The following RAD21 variants were observed in gnomAD, a reference collection of about 807,000 sequenced individuals.
RAD21 encodes the protein double-strand-break repair protein rad21 homolog.
In RAD21, 18 loss-of-function variants were observed where a neutral mutation model predicts 71.5. That is an observed-to-expected ratio of 0.25 (90% CI 0.17 to 0.37). The LOEUF (loss-of-function observed/expected upper bound fraction) is 0.37. Among genes scored for constraint, RAD21 ranks in the 10% least tolerant of loss-of-function variants. The pLI is 1.00. For synonymous variants in RAD21, 248 were observed against 254.0 expected (o/e 0.98, Z 0.22); for missense variants, 493 against 769.1 (o/e 0.64, Z 4.25).
intron 4 of RAD21, among the ~76,000 whole-genome samples, 180 bp downstream of exon 4, chr8:116,861,661 C>G (rs1812596445): frequency 6.6e-6 from 1 of 151,902 alleles, no homozygotes; most frequent in African/African-American, 2.4e-5. Flanking sequence ...ACATGATTTT[C>G]TTACAGAAGA....
At chr8:116,848,708 C>T (rs557105190) in intron 13 of RAD21, among the ~76,000 whole-genome samples, 5 of 151,062 alleles carry the variant, frequency 3.3e-5, no homozygotes, top group Admixed American at 6.6e-5. Flanking sequence ...CATGCTTTTC[C>T]GGCTTACTCT....
In RAD21 at chr8:116,847,633, G is replaced by A. The variant is rs2130450030; in HGVS notation, c.1763C>T (p.Thr588Met). ...SISLLELCRNTNRKQAAAKFY... is the reference protein window; with the variant it reads ...SISLLELCRNMNRKQAAAKFY... ...CTTTGCGGCAGCTTGTTTTCTGTTCGTATTTCGACATAACTCAAGCAAACT... is the reference window on the plus strand; with the variant it reads ...CTTTGCGGCAGCTTGTTTTCTGTTCATATTTCGACATAACTCAAGCAAACT... The change falls in exon 14 of 14, where the codon ACG becomes ATG. Residue 588 changes from threonine (T) to methionine (M), a missense_variant. By Grantham distance (81) the Thr-to-Met change is moderately conservative. Coordinates refer to ENST00000297338, the MANE Select transcript of RAD21 (RefSeq NM_006265.3). The A allele has an allele frequency of 1.2e-6, 2 of 1,614,004 alleles. No individual in the cohort carries two copies. The highest frequency in any genetic ancestry group is 1.7e-6 in the Non-Finnish European group (2 of 1,179,950).
chr8:116,856,103 G>A, intron 8 of RAD21, 63 bp downstream of exon 8: 2 of 1,541,860 alleles, frequency 1.3e-6, no homozygotes, highest in South Asian at 2.4e-5. Flanking sequence ...CAGTAGACAG[G>A]CAAAAACCAG....
chr8:116,855,286 T>C (rs1812438839), intron 8 of RAD21, among the ~76,000 whole-genome samples: 2 of 152,212 alleles, frequency 1.3e-5, no homozygotes, highest in Non-Finnish European at 2.9e-5. Flanking sequence ...AAAAACTATG[T>C]CTAAATTACA....
intron 4 of RAD21, among the ~76,000 whole-genome samples, chr8:116,859,236 G>C (rs1812534322): frequency 6.6e-6 from 1 of 152,062 alleles, no homozygotes; most frequent in Non-Finnish European, 1.5e-5. Context: ...CAAACCAAAG[G>C]TTTGTGGTAA....
rs746328491 is a variant in RAD21 at position 116,866,775 on chromosome 8, A to G, written c.-32-14T>C. 3 of 1,510,924 alleles carry G rather than the reference A, an allele frequency of 2.0e-6. No homozygotes were observed. Among genetic ancestry groups the G allele is most frequent in the Non-Finnish European group, 2.7e-6 (3 of 1,130,428 alleles). 93.6% of individuals were successfully genotyped at this position (1,510,924 alleles called of 1,614,324 possible). ...ACAGAAGAAAACCTAAGAGGGGAAA[A>G]AAAAGTTAATGTAAACATCATCTGA... is the stretch of plus-strand genomic sequence containing the variant. On this transcript the variant is annotated splice_polypyrimidine_tract_variant and intron_variant, in intron 1 of 13. Transcript: ENST00000297338.
Position 116,852,363 on chromosome 8 carries a change from C to T in RAD21, c.1321+186G>A, listed in dbSNP as rs1364477841. 4 of 722,022 alleles carry T rather than the reference C, an allele frequency of 5.5e-6. No individual in the cohort carries two copies. In the Admixed American group the frequency reaches 9.7e-5, roughly 18 times the overall value. The allele number at this position is 722,022 out of a possible 1,614,324, so 44.7% of individuals were successfully genotyped here. A position where few individuals can be genotyped will look rare whatever the true frequency, so the allele number is the denominator to read the frequency against. On this transcript the variant is annotated intron_variant, in intron 10 of 13. Transcript: ENST00000297338. ...ACTATCTACCCTGCCAGTTCTGAAC[C>T]TTAAAACTCTGGAAAGACAGGAGGC...
In RAD21 at chr8:116,863,121, T is replaced by C. The variant is rs745742779; in HGVS notation, c.274+9A>G. ...AACAACAACAAAAACCAAACAAGTT[T>C]AACAATACCTGGCCGAAAAGCCATC... is the stretch of plus-strand genomic sequence containing the variant. On this transcript the variant is annotated intron_variant, in intron 3 of 13. Coordinates refer to ENST00000297338, the MANE Select transcript of RAD21 (RefSeq NM_006265.3). 4 of 1,596,192 alleles carry C rather than the reference T, an allele frequency of 2.5e-6. No homozygotes were observed. The highest frequency in any genetic ancestry group is 2.2e-5 in the South Asian group (2 of 89,000).
intron 1 of RAD21, among the ~76,000 whole-genome samples, chr8:116,869,616 A>G (rs1033707544): frequency 6.6e-6 from 1 of 152,158 alleles, no homozygotes; most frequent in Non-Finnish European, 1.5e-5. Context: ...CAAAGAAGAG[A>G]AATTTCACAG....
intron 7 of RAD21, 85 bp downstream of exon 7, chr8:116,856,561 A>C: frequency 7.2e-7 from 1 of 1,381,154 alleles, no homozygotes. Context: ...AAAAACTACA[A>C]CTTTTAGTTT....
At chr8:116,861,329 C>G (rs1383836141) in intron 4 of RAD21, among the ~76,000 whole-genome samples, 1 of 151,636 alleles carries the variant, frequency 6.6e-6, no homozygotes, top group African/African-American at 2.4e-5. Flanking sequence ...CTACAGTACT[C>G]TGCTATAACA....
At chr8:116,848,013 C>G (rs1408604253) in intron 13 of RAD21, among the ~76,000 whole-genome samples, 2 of 152,168 alleles carry the variant, frequency 1.3e-5, no homozygotes, top group Non-Finnish European at 2.9e-5. Flanking sequence ...CCTTTGCCTT[C>G]CACCATGACT....
rs1437032957 is a variant in RAD21, at chr8:116,856,262, C to A, written c.841G>T (p.Val281Leu). ...GTTGGCATTGGTTCAACGGGATCCA[C>A]TGAATCAGGACTATCAGGCCCACCC... ...SMGGPDSPDSVDPVEPMPTMT... is the reference protein window; with the variant it reads ...SMGGPDSPDSLDPVEPMPTMT... Residue 281 changes from valine (V) to leucine (L), a missense_variant, in exon 8 of 14, where the codon GTG (valine) becomes TTG (leucine). Coordinates refer to ENST00000297338, the MANE Select transcript of RAD21 (RefSeq NM_006265.3). 4 of 1,528,420 alleles carry A rather than the reference C, an allele frequency of 2.6e-6. No individual in the cohort carries two copies. The South Asian group carries it at 4.7e-5, about 18-fold the overall frequency. The allele number at this position is 1,528,420 out of a possible 1,614,324, so 94.7% of individuals were successfully genotyped here. A position where few individuals can be genotyped will look rare whatever the true frequency, so the allele number is the denominator to read the frequency against.
At chr8:116,853,252 T>C (rs1160163770) in intron 9 of RAD21, among the ~76,000 whole-genome samples, 3 of 152,082 alleles carry the variant, frequency 2.0e-5, no homozygotes, top group Non-Finnish European at 4.4e-5. Flanking sequence ...CTAATTTTTA[T>C]ATTATTAGTA....
chr8:116,852,454 G>A (rs1812371058), intron 10 of RAD21, 95 bp downstream of exon 10: 1 of 1,300,978 alleles, frequency 7.7e-7, no homozygotes, highest in Non-Finnish European at 1.1e-6. Context: ...GTATATCTTT[G>A]ATTCCTCATT....
chr8:116,852,296 C>T, intron 10 of RAD21, 200 bp from the exon 11 acceptor site: 1 of 641,990 alleles, frequency 1.6e-6, no homozygotes, highest in Non-Finnish European at 2.5e-6. Flanking sequence ...CTTAAAAGGA[C>T]AAGTCCTACC....
Position 116,852,201 on chromosome 8 carries a change from T to C in RAD21, c.1322-105A>G, listed in dbSNP as rs1038086684. The C allele has an allele frequency of 2.3e-4, 248 of 1,091,080 alleles. No homozygotes were observed. The Middle Eastern group carries it at 5.0e-3, about 22-fold the overall frequency. 67.6% of individuals were successfully genotyped at this position (1,091,080 alleles called of 1,614,324 possible). On this transcript the variant is annotated intron_variant, in intron 10 of 13. Transcript: ENST00000297338. ...GTACACTAAGACATACATAATGCTT[T>C]CTTTAATGAAGAAGGCCAGATAAAA...
rs1812422491 is a variant in RAD21 at position 116,854,525 on chromosome 8, A to G, written c.938-57T>C. On this transcript the variant is annotated intron_variant, in intron 8 of 13. Transcript: ENST00000297338. ...CCTGAGAGGCCAGCATGGAACACAC[A>G]GCTACAAGATCTGGACTGACTATAT... 7.6e-6 allele frequency: 10 copies of G among 1,321,032 alleles called. 1 individual carries two copies. In the South Asian group the frequency reaches 1.2e-4, roughly 16 times the overall value. 81.8% of individuals were successfully genotyped at this position (1,321,032 alleles called of 1,614,324 possible).
chr8:116,868,876 G>A (rs1812751202), intron 1 of RAD21, among the ~76,000 whole-genome samples: 1 of 150,800 alleles, frequency 6.6e-6, no homozygotes, highest in African/African-American at 2.4e-5. Context: ...TTCAACAAAT[G>A]GTGCTGGAGT....
Sources: allele counts gnomAD v4.1 joint callset (sites outside exome capture counted in the v4.1 genomes callset), GRCh38; gene constraint gnomAD v4.1.1; transcripts MANE v1.5; gene names NCBI Gene and HGNC (gene_info 2026-07-23, HGNC 2026-07-21).